The following RABEP1 variants were observed in gnomAD, a reference collection of about 807,000 sequenced individuals.
RABEP1 encodes the protein rab GTPase-binding effector protein 1.
RABEP1 carries 51 observed loss-of-function variants against 123.4 expected under a neutral mutation model. That is an observed-to-expected ratio of 0.41 (90% CI 0.33 to 0.52). The LOEUF (loss-of-function observed/expected upper bound fraction) is 0.52. Among genes scored for constraint, RABEP1 ranks in the 20% least tolerant of loss-of-function variants. RABEP1 has a pLI of 0.16. For synonymous variants in RABEP1, 347 were observed against 355.2 expected (o/e 0.98, Z 0.26); for missense variants, 888 against 996.3 (o/e 0.89, Z 1.46).
chr17:5,335,958 C>T (rs760152010), intron 4 of RABEP1, among the ~76,000 whole-genome samples: 3 of 151,942 alleles, frequency 2.0e-5, no homozygotes, highest in African/African-American at 4.8e-5. Context: ...CCTTCTTTCT[C>T]GGTATCCTTT....
chr17:5,367,311 G>C (rs866686050), intron 11 of RABEP1, among the ~76,000 whole-genome samples: 4 of 150,544 alleles, frequency 2.7e-5, no homozygotes, highest in Non-Finnish European at 5.9e-5. Flanking sequence ...TCGCTGTGTC[G>C]CCCAGGCTAG....
intron 9 of RABEP1, 160 bp downstream of exon 9, chr17:5,361,835 C>T: frequency 1.6e-6 from 1 of 629,198 alleles, no homozygotes. Flanking sequence ...TTGTCATAGT[C>T]TGCCTTGGGT....
chr17:5,325,808 A>C (rs1905916858), intron 2 of RABEP1, among the ~76,000 whole-genome samples: 1 of 152,198 alleles, frequency 6.6e-6, no homozygotes, highest in Non-Finnish European at 1.5e-5. Flanking sequence ...GTATTATCAC[A>C]TGTACTTTAA....
chr17:5,282,307 G>C lies in RABEP1; in HGVS notation c.-180G>C, dbSNP rs887903382. 9.5e-6 allele frequency: 4 copies of C among 420,754 alleles called. No homozygotes were observed. Among genetic ancestry groups the C allele is most frequent in the Non-Finnish European group, 1.6e-5 (4 of 244,846 alleles). The allele number at this position is 420,754 out of a possible 1,614,324, so 26.1% of individuals were successfully genotyped here. A position where few individuals can be genotyped will look rare whatever the true frequency, so the allele number is the denominator to read the frequency against. On this transcript the variant is annotated 5_prime_UTR_variant, in exon 1 of 18. Coordinates refer to ENST00000537505, the MANE Select transcript of RABEP1 (RefSeq NM_004703.6). ...CTGTCAGGATGAGGAGGCGGAGGTC[G>C]GCGGTCGGGTCCGTCTCTGCCCGCG...
At chr17:5,304,196 C>CT (rs762624173) in intron 1 of RABEP1, among the ~76,000 whole-genome samples, 141 of 152,036 alleles carry the variant, frequency 9.3e-4, no homozygotes, top group Admixed American at 3.1e-3. Context: ...TTATTGTATT[C>CT]TTTTTTCGTT....
chr17:5,346,791 T>A lies in RABEP1; in HGVS notation c.650T>A (p.Val217Asp), dbSNP rs772800665. The A allele has an allele frequency of 1.3e-5, 21 of 1,556,076 alleles. No homozygotes were observed. The South Asian group carries it at 2.4e-4, about 17-fold the overall frequency. Reference sequence around the variant, plus strand: ...TAATGGAATTGCATCTTCTTTCAGGTTAAAGAACTGAATCATTATCTGGAA... The same window carrying A: ...TAATGGAATTGCATCTTCTTTCAGGATAAAGAACTGAATCATTATCTGGAA... ...DKIKELEASK[V>D]KELNHYLEAE... Residue 217 changes from valine (V) to aspartate (D), a missense_variant and splice_region_variant, in exon 6 of 18, where the codon GTT becomes GAT. Physicochemically the swap from Val to Asp is radical, Grantham distance 152. Coordinates refer to ENST00000537505, the MANE Select transcript of RABEP1 (RefSeq NM_004703.6).
Position 5,385,551 on chromosome 17 carries a change from C to G in RABEP1, c.*2328C>G, listed in dbSNP as rs548301964. ...TGAGGACAAAATCACATTCTGCATA[C>G]TAACCTATTTTTTTCTCCCTTTAAG... On this transcript the variant is annotated 3_prime_UTR_variant, in exon 18 of 18. Transcript: ENST00000537505. 4.3e-6 allele frequency: 1 copy of G among 230,958 alleles called. No homozygotes were observed. Among genetic ancestry groups the G allele is most frequent in the East Asian group, 6.2e-5 (1 of 16,224 alleles). The allele number at this position is 230,958 out of a possible 1,614,324, so 14.3% of individuals were successfully genotyped here. A position where few individuals can be genotyped will look rare whatever the true frequency, so the allele number is the denominator to read the frequency against.
chr17:5,308,938 A>G (rs993090935), intron 2 of RABEP1, 116 bp downstream of exon 2: 11 of 1,068,224 alleles, frequency 1.0e-5, no homozygotes, highest in Admixed American at 8.5e-5. Flanking sequence ...TTGTACTTGC[A>G]TAATAAAAGA....
chr17:5,363,344 C>T (rs561403630), intron 10 of RABEP1, among the ~76,000 whole-genome samples: 1 of 151,826 alleles, frequency 6.6e-6, no homozygotes, highest in African/African-American at 2.4e-5. Flanking sequence ...CTCAGCCTGC[C>T]GAGTAGCTGG....
At chr17:5,340,411 A>C (rs2144621626) in intron 5 of RABEP1, among the ~76,000 whole-genome samples, 1 of 152,294 alleles carries the variant, frequency 6.6e-6, no homozygotes. Flanking sequence ...TATTATGAGG[A>C]ACATATAAAT....
In RABEP1 at chr17:5,316,963, G is replaced by A. The variant is rs188063310; in HGVS notation, c.163+8141G>A. ...TCTGTCACCCAGGCTGGCGTGCTGT[G>A]GCACTATGTCGGCTGACTGCAACCT... On this transcript the variant is annotated intron_variant, in intron 2 of 17. Coordinates refer to ENST00000537505, the MANE Select transcript of RABEP1 (RefSeq NM_004703.6). Among the ~76,000 whole-genome samples, 94 of 151,928 alleles carry A rather than the reference G, an allele frequency of 6.2e-4. 1 individual carries two copies. The highest frequency in any genetic ancestry group is 2.2e-3 in the African/African-American group (92 of 41,396).
At chr17:5,369,281 C>T (rs1444903030) in intron 12 of RABEP1, among the ~76,000 whole-genome samples, 2 of 152,104 alleles carry the variant, frequency 1.3e-5, no homozygotes, top group Non-Finnish European at 2.9e-5. Flanking sequence ...GGCTTGGGCT[C>T]CCTCCTCACT....
At position 5,383,158 on chromosome 17, in the gene RABEP1, G is replaced by A; in HGVS notation, c.2524G>A (p.Glu842Lys). ...LERIRQADSLERIRAILNDTK... is the reference protein window; with the variant it reads ...LERIRQADSLKRIRAILNDTK... The stretch of plus-strand genomic sequence containing the variant: ...GCGGATCCGGCAAGCTGACTCCTTG[G>A]AGAGAATCCGGGCAATTCTGAATGA... Residue 842 changes from glutamate to lysine, a missense_variant, in exon 18 of 18, where the codon GAG (glutamate) becomes AAG (lysine). Transcript: ENST00000537505. 6.2e-7 allele frequency: 1 copy of A among 1,614,100 alleles called. No individual in the cohort carries two copies. The highest frequency in any genetic ancestry group is 8.5e-7 in the Non-Finnish European group (1 of 1,180,020).
intron 2 of RABEP1, among the ~76,000 whole-genome samples, chr17:5,314,058 A>G (rs2075270555): frequency 6.6e-6 from 1 of 152,158 alleles, no homozygotes; most frequent in African/African-American, 2.4e-5. Context: ...AACCAGGTCA[A>G]GGTAACCCTG....
intron 1 of RABEP1, among the ~76,000 whole-genome samples, chr17:5,303,831 G>A (rs1021171327): frequency 6.6e-6 from 1 of 152,042 alleles, no homozygotes; most frequent in Non-Finnish European, 1.5e-5. Context: ...TCAGGAGTTT[G>A]AGACCAGCCT....
intron 13 of RABEP1, among the ~76,000 whole-genome samples, chr17:5,376,520 AGAC>A (rs1911007436): frequency 6.6e-6 from 1 of 152,184 alleles, no homozygotes; most frequent in South Asian, 2.1e-4. Flanking sequence ...TTCTAAAAGA[AGAC>A]AGAACTAAAA....
chr17:5,341,495 A>G (rs1907605621), intron 5 of RABEP1, among the ~76,000 whole-genome samples: 1 of 152,186 alleles, frequency 6.6e-6, no homozygotes, highest in Admixed American at 6.5e-5. Flanking sequence ...AAGATATTAA[A>G]CTGTTGATTT....
chr17:5,341,034 T>C (rs1907559459), intron 5 of RABEP1, among the ~76,000 whole-genome samples: 1 of 149,502 alleles, frequency 6.7e-6, no homozygotes, highest in Non-Finnish European at 1.5e-5. Context: ...AAAAGAACAA[T>C]AGAGACTATC....
chr17:5,383,370 C>T lies in RABEP1; in HGVS notation c.*147C>T. 1.5e-6 allele frequency: 1 copy of T among 674,112 alleles called. No homozygotes were observed. The highest frequency in any genetic ancestry group is 1.9e-5 in the South Asian group (1 of 53,674). 41.8% of individuals were successfully genotyped at this position (674,112 alleles called of 1,614,324 possible). ...AATGCTTACTTCTAGAGGGAGAAGA[C>T]TGTGCGGCACAGGAAACAGCAAACA... On this transcript the variant is annotated 3_prime_UTR_variant, in exon 18 of 18. Coordinates refer to ENST00000537505, the MANE Select transcript of RABEP1 (RefSeq NM_004703.6).
Sources: allele counts gnomAD v4.1 joint callset (sites outside exome capture counted in the v4.1 genomes callset), GRCh38; gene constraint gnomAD v4.1.1; transcripts MANE v1.5; gene names NCBI Gene and HGNC (gene_info 2026-07-23, HGNC 2026-07-21).